Variants in UBE2E2 observed in about 807,000 individuals in gnomAD.
UBE2E2 encodes the protein ubiquitin-conjugating enzyme E2 E2.
A neutral mutation model predicts 24.7 loss-of-function variants in UBE2E2; 6 were observed. That is an observed-to-expected ratio of 0.24 (90% CI 0.13 to 0.48). The LOEUF (loss-of-function observed/expected upper bound fraction) is 0.48. Ranked by LOEUF, UBE2E2 falls within the 20% of genes least tolerant of loss-of-function variation. UBE2E2 has a pLI of 0.99. For synonymous variants in UBE2E2, 104 were observed against 83.6 expected, an observed-to-expected ratio of 1.24 and a Z score of -1.33; for missense variants, 169 against 245.0, an observed-to-expected ratio of 0.69 and a Z score of 2.07.
intron 3 of UBE2E2, among the ~76,000 whole-genome samples, chr3:23,244,530 T>G (rs1575498977): frequency 6.6e-6 from 1 of 152,304 alleles, no homozygotes; most frequent in South Asian, 2.1e-4. Flanking sequence ...ATACAAGGTT[T>G]GTTTATTATA....
At chr3:23,271,182 C>G (rs1415540014) in intron 3 of UBE2E2, 2 of 401,550 alleles carry the variant, frequency 5.0e-6, no homozygotes, top group African/African-American at 2.1e-5. Context: ...TTGGTGGGTT[C>G]TTGGTCTCGC....
At chr3:23,483,079 G>A (rs1699290085) in intron 3 of UBE2E2, among the ~76,000 whole-genome samples, 1 of 152,192 alleles carries the variant, frequency 6.6e-6, no homozygotes, top group Non-Finnish European at 1.5e-5. Flanking sequence ...GAAAGGTAGT[G>A]AACTAATGTT....
At chr3:23,477,002 A>G (rs939289275) in intron 3 of UBE2E2, among the ~76,000 whole-genome samples, 60 of 152,128 alleles carry the variant, frequency 3.9e-4, no homozygotes, top group African/African-American at 1.3e-3. Flanking sequence ...ACATTATTTG[A>G]TGAACTAAAG....
intron 4 of UBE2E2, among the ~76,000 whole-genome samples, chr3:23,517,887 C>T (rs1307719165): frequency 6.6e-6 from 1 of 151,952 alleles, no homozygotes; most frequent in African/African-American, 2.4e-5. Context: ...AAAACAGCGG[C>T]CTAGAGTGTT....
At chr3:23,254,203 C>T (rs1045104937) in intron 3 of UBE2E2, among the ~76,000 whole-genome samples, 3 of 152,198 alleles carry the variant, frequency 2.0e-5, no homozygotes, top group African/African-American at 7.2e-5. Flanking sequence ...CTCCAAGAGA[C>T]CTCTGCTTTA....
intron 5 of UBE2E2, among the ~76,000 whole-genome samples, chr3:23,559,182 A>G (rs961561101): frequency 4.6e-5 from 7 of 152,168 alleles, no homozygotes; most frequent in African/African-American, 1.7e-4. Context: ...TAGAGAAATA[A>G]TTCCTCATTT....
intron 4 of UBE2E2, among the ~76,000 whole-genome samples, chr3:23,508,172 A>G (rs1002638641): frequency 2.6e-5 from 4 of 152,192 alleles, no homozygotes; most frequent in East Asian, 1.9e-4. Flanking sequence ...TGTTGTGTGA[A>G]ATCCCAAAAT....
intron 4 of UBE2E2, among the ~76,000 whole-genome samples, chr3:23,502,468 G>A (rs1044337207): frequency 6.6e-6 from 1 of 152,082 alleles, no homozygotes; most frequent in Non-Finnish European, 1.5e-5. Context: ...ATCATAAATA[G>A]AACCTTTTAT....
chr3:23,217,356 G>A, intron 3 of UBE2E2, 44 bp downstream of exon 3: 1 of 1,574,142 alleles, frequency 6.4e-7, no homozygotes, highest in South Asian at 1.1e-5. Context: ...TTTTGCAGAA[G>A]GTGCATTTGA....
intron 5 of UBE2E2, among the ~76,000 whole-genome samples, chr3:23,542,018 TG>T (rs1365146243): frequency 6.6e-6 from 1 of 152,158 alleles, no homozygotes; most frequent in Non-Finnish European, 1.5e-5. Context: ...CTAGAGAAGA[TG>T]TCTTCATAGT....
intron 4 of UBE2E2, among the ~76,000 whole-genome samples, chr3:23,510,620 A>T (rs989090532): frequency 6.6e-6 from 1 of 152,088 alleles, no homozygotes; most frequent in Non-Finnish European, 1.5e-5. Flanking sequence ...AAAAAATAAG[A>T]TAAAATAAAA....
intron 3 of UBE2E2, among the ~76,000 whole-genome samples, chr3:23,302,064 T>A (rs1207332939): frequency 6.6e-6 from 1 of 152,212 alleles, no homozygotes; most frequent in Non-Finnish European, 1.5e-5. Context: ...CTTGTCAGTA[T>A]AGCTCGTATC....
intron 3 of UBE2E2, among the ~76,000 whole-genome samples, chr3:23,307,659 A>G (rs774963247): frequency 1.3e-5 from 2 of 152,188 alleles, no homozygotes; most frequent in African/African-American, 2.4e-5. Context: ...TGTTTTAGCA[A>G]TTATATTTTT....
chr3:23,519,250 T>G (rs1694807989), intron 4 of UBE2E2, among the ~76,000 whole-genome samples: 3 of 72,404 alleles, frequency 4.1e-5, no homozygotes, highest in African/African-American at 2.1e-4. Flanking sequence ...TTTACCAAGG[T>G]TTTTTTTTTT....
chr3:23,561,213 T>C (rs201634057), intron 5 of UBE2E2, among the ~76,000 whole-genome samples: 39,028 of 151,788 alleles, frequency 0.26, 5,413 homozygotes, highest in East Asian at 0.36. Context: ...AGGTCTAACG[T>C]TTAAGTCTTT....
At chr3:23,223,025 C>CCCTTTTTTTT (rs1559445363) in intron 3 of UBE2E2, among the ~76,000 whole-genome samples, 1 of 60,318 alleles carries the variant, frequency 1.7e-5, no homozygotes, top group African/African-American at 6.9e-5. Context: ...CCCCCCCCCC[C>CCCTTTTTTTT]TTTTTTTTTT....
At chr3:23,386,638 T>C (rs999922785) in intron 3 of UBE2E2, among the ~76,000 whole-genome samples, 1 of 152,236 alleles carries the variant, frequency 6.6e-6, no homozygotes, top group Non-Finnish European at 1.5e-5. Flanking sequence ...GTTTTTAATA[T>C]GAGACAAGCA....
intron 3 of UBE2E2, among the ~76,000 whole-genome samples, chr3:23,298,783 C>G (rs575989408): frequency 1.3e-5 from 2 of 152,188 alleles, no homozygotes; most frequent in East Asian, 3.9e-4. Context: ...GCTTTGGTAT[C>G]AGGATGATGC....
At chr3:23,386,016 G>A (rs1025233144) in intron 3 of UBE2E2, among the ~76,000 whole-genome samples, 4 of 152,204 alleles carry the variant, frequency 2.6e-5, no homozygotes, top group African/African-American at 9.6e-5. Context: ...TTCTAAAATC[G>A]AATAGAATTA....
Sources: allele counts gnomAD v4.1 joint callset (sites outside exome capture counted in the v4.1 genomes callset), GRCh38; gene constraint gnomAD v4.1.1; transcripts MANE v1.5; gene names NCBI Gene and HGNC (gene_info 2026-07-23, HGNC 2026-07-21).